PNPLA8: variants seen among roughly 807,000 people sequenced by gnomAD.
The protein encoded by PNPLA8 is calcium-independent phospholipase A2-gamma.
Under a neutral mutation model 76.9 loss-of-function variants are expected in PNPLA8, and 39 were observed. The observed-to-expected ratio is 0.51, with a 90% CI of 0.39 to 0.66. The LOEUF (loss-of-function observed/expected upper bound fraction) is 0.66, where lower values mean the gene tolerates loss of function less well. Among genes scored for constraint, PNPLA8 ranks in the 30% least tolerant of loss-of-function variants. The probability of loss-of-function intolerance (pLI) is 0.00; values close to 1 mark genes in which losing one functional copy is unlikely to be tolerated. For missense variants in PNPLA8, 887 were observed against 918.0 expected, an observed-to-expected ratio of 0.97 and a Z score of 0.44; for synonymous variants, 301 against 307.9, an observed-to-expected ratio of 0.98 and a Z score of 0.24.
chr7:108,501,094 A>T (rs1386972188), intron 5 of PNPLA8, among the ~76,000 whole-genome samples: 2 of 152,236 alleles, frequency 1.3e-5, no homozygotes, highest in African/African-American at 4.8e-5. Context: ...GTACTTGAAC[A>T]TACAGAAGAG....
intron 10 of PNPLA8, among the ~76,000 whole-genome samples, chr7:108,476,436 G>C (rs1860000290): frequency 6.6e-6 from 1 of 152,142 alleles, no homozygotes; most frequent in Admixed American, 6.5e-5. Flanking sequence ...ACCACAATGA[G>C]ATCCCACCTT....
At chr7:108,510,964 A>C in intron 4 of PNPLA8, 2 of 1,540,816 alleles carry the variant, frequency 1.3e-6, no homozygotes, top group South Asian at 1.1e-5. Context: ...GGCTTATTAG[A>C]AGAATGAACT....
intron 1 of PNPLA8, among the ~76,000 whole-genome samples, chr7:108,524,290 C>T (rs1194379087): frequency 1.3e-5 from 2 of 152,090 alleles, no homozygotes; most frequent in South Asian, 4.1e-4. Flanking sequence ...TATTCACATG[C>T]CCACTGAAGT....
rs560257886 is a variant in PNPLA8, at chr7:108,483,244, G to T, written c.1879-3865C>A. ...TGGCTCTTTAGTTATAGAATAGCCAGTCTGAGGCTAACAGACCTTTATTAT... is the reference window on the plus strand; with the variant it reads ...TGGCTCTTTAGTTATAGAATAGCCATTCTGAGGCTAACAGACCTTTATTAT... On this transcript the variant is annotated intron_variant, in intron 9 of 10. Transcript: ENST00000257694. 5.9e-5 allele frequency among the ~76,000 whole-genome samples: 9 copies of T among 152,318 alleles called. No individual in the cohort carries two copies. The South Asian group carries it at 1.9e-3, about 32-fold the overall frequency.
chr7:108,523,337 C>G (rs528333936), intron 1 of PNPLA8, among the ~76,000 whole-genome samples: 2 of 152,138 alleles, frequency 1.3e-5, no homozygotes, highest in African/African-American at 4.8e-5. Flanking sequence ...TGGTGGCCAT[C>G]GAGCAGACCA....
intron 2 of PNPLA8, chr7:108,518,127 A>C (rs1458227695): frequency 1.3e-5 from 2 of 152,192 alleles, no homozygotes; most frequent in Non-Finnish European, 2.9e-5. Context: ...GTCTTTTAGA[A>C]GGGCACTAAT....
chr7:108,472,357 C>T lies in PNPLA8; in HGVS notation c.*44G>A. On this transcript the variant is annotated 3_prime_UTR_variant, in exon 11 of 11. Coordinates refer to ENST00000257694, the MANE Select transcript of PNPLA8 (RefSeq NM_001256007.3). ...CAATTCCTTATTGAATGTGGTTGATCTTCTAAACAGACCTTCATTTATGAG... is the reference window on the plus strand; with the variant it reads ...CAATTCCTTATTGAATGTGGTTGATTTTCTAAACAGACCTTCATTTATGAG... The T allele has an allele frequency of 2.2e-6, 3 of 1,367,448 alleles. No individual in the cohort carries two copies. Among genetic ancestry groups the T allele is most frequent in the Non-Finnish European group, 3.0e-6 (3 of 1,001,574 alleles). 84.7% of individuals were successfully genotyped at this position (1,367,448 alleles called of 1,614,324 possible).
chr7:108,481,126 G>T (rs574879293), intron 9 of PNPLA8, among the ~76,000 whole-genome samples: 2 of 152,278 alleles, frequency 1.3e-5, no homozygotes, highest in Non-Finnish European at 2.9e-5. Flanking sequence ...GGACCTCTGG[G>T]TTGTTTCCAG....
In PNPLA8 at chr7:108,515,291, G is replaced by A; in HGVS notation, c.201C>T (p.Cys67=). Residue 67 remains cysteine, a synonymous_variant, in exon 3 of 11, where the codon TGC becomes TGT. Coordinates refer to ENST00000257694, the MANE Select transcript of PNPLA8 (RefSeq NM_001256007.3). Reference sequence around the variant, plus strand: ...TGCTTGGAGAGTAACAGTGCTTACTGCAAGAATGTGCTTCACTTTTGGTCC... The same window carrying A: ...TGCTTGGAGAGTAACAGTGCTTACTACAAGAATGTGCTTCACTTTTGGTCC... ...CKWTKSEAHS[C]SKHCYSPSNH... 6.2e-7 allele frequency: 1 copy of A among 1,610,388 alleles called. No individual in the cohort carries two copies.
chr7:108,502,442 CAAAAAAAAAAA>C (rs369261888), intron 5 of PNPLA8, 38 bp downstream of exon 5: 108 of 624,212 alleles, frequency 1.7e-4, no homozygotes, highest in African/African-American at 1.3e-3. Context: ...AACTCCATCT[CAAAAAAAAAAA>C]AAAAAAAAAA....
intron 9 of PNPLA8, 22 bp downstream of exon 9, chr7:108,487,737 T>TAA (rs745760172): frequency 1.5e-5 from 22 of 1,491,676 alleles, no homozygotes; most frequent in Non-Finnish European, 1.9e-5. Flanking sequence ...TTTAAAAAAA[T>TAA]AAGACATACA....
intron 4 of PNPLA8, among the ~76,000 whole-genome samples, chr7:108,506,392 A>G (rs1862427885): frequency 6.6e-6 from 1 of 152,136 alleles, no homozygotes; most frequent in South Asian, 2.1e-4. Context: ...AAAAAATTAC[A>G]AAATAAAGTG....
chr7:108,513,681 G>A (rs1303570505), intron 4 of PNPLA8, among the ~76,000 whole-genome samples: 1 of 151,992 alleles, frequency 6.6e-6, no homozygotes, highest in East Asian at 1.9e-4. Flanking sequence ...CTGAGGCAAA[G>A]AAAAGCTCAT....
At chr7:108,493,826 GA>G (rs1861374737) in intron 7 of PNPLA8, among the ~76,000 whole-genome samples, 1 of 151,748 alleles carries the variant, frequency 6.6e-6, no homozygotes, top group Admixed American at 6.6e-5. Context: ...GATTAACTTT[GA>G]AAATTAAATG....
rs1425051366 is a variant in PNPLA8, at chr7:108,484,557, C to T, written c.1878+3202G>A. 3.3e-5 allele frequency among the ~76,000 whole-genome samples: 5 copies of T among 151,950 alleles called. No homozygotes were observed. In the East Asian group the frequency reaches 7.7e-4, roughly 23 times the overall value. The stretch of plus-strand genomic sequence containing the variant: ...ATCTATTTCCAAACATTTTTATCAC[C>T]CACACTCTGTAACCATTAAGGAATC... On this transcript the variant is annotated intron_variant, in intron 9 of 10. Transcript: ENST00000257694.
At chr7:108,494,743 GAA>G (rs1159095359) in intron 7 of PNPLA8, among the ~76,000 whole-genome samples, 1 of 152,024 alleles carries the variant, frequency 6.6e-6, no homozygotes, top group Admixed American at 6.6e-5. Flanking sequence ...TAGGATTGTA[GAA>G]AAGACTTAAA....
intron 4 of PNPLA8, among the ~76,000 whole-genome samples, chr7:108,504,953 G>A (rs1468811224): frequency 6.6e-6 from 1 of 152,028 alleles, no homozygotes; most frequent in Non-Finnish European, 1.5e-5. Flanking sequence ...GTGCATGCCT[G>A]TAATCCCAGC....
intron 1 of PNPLA8, among the ~76,000 whole-genome samples, chr7:108,524,151 T>G (rs40893): frequency 0.41 from 61,791 of 152,080 alleles, 13,174 homozygotes; most frequent in African/African-American, 0.5. Flanking sequence ...ACATTAGACG[T>G]ATTTACCAGA....
At chr7:108,488,926 T>G (rs561259615) in intron 8 of PNPLA8, among the ~76,000 whole-genome samples, 1 of 152,350 alleles carries the variant, frequency 6.6e-6, no homozygotes, top group South Asian at 2.1e-4. Flanking sequence ...TGTTTTGATA[T>G]TTAATAAACA....
Sources: gnomAD v4.1 joint callset for allele counts (sites outside exome capture counted in the v4.1 genomes callset) on GRCh38, gnomAD v4.1.1 for gene constraint, MANE v1.5 for transcripts, NCBI Gene and HGNC (gene_info 2026-07-23, HGNC 2026-07-21) for gene names.